Variants in EXOSC5 observed in about 807,000 individuals in gnomAD.
EXOSC5 encodes exosome complex component RRP46.
Under a neutral mutation model 23.7 loss-of-function variants are expected in EXOSC5, and 15 were observed. The observed-to-expected ratio is 0.63, with a 90% CI of 0.42 to 0.97. The LOEUF is 0.97. Among genes scored for constraint, EXOSC5 ranks in the 50% least tolerant of loss-of-function variants. The pLI is 0.00. For missense variants in EXOSC5, 305 were observed against 316.3 expected (o/e 0.96, Z 0.27); for synonymous variants, 143 against 140.9 (o/e 1.02, Z -0.11).
At chr19:41,388,692 G>A (rs553584148) in intron 4 of EXOSC5, among the ~76,000 whole-genome samples, 9 of 152,216 alleles carry the variant, frequency 5.9e-5, no homozygotes, top group East Asian at 3.9e-4. Context: ...AGTGGTTTCC[G>A]TCTTCTTGAC....
intron 4 of EXOSC5, among the ~76,000 whole-genome samples, chr19:41,388,376 C>A (rs892259036): frequency 2.0e-5 from 3 of 152,230 alleles, no homozygotes; most frequent in African/African-American, 7.2e-5. Flanking sequence ...GGAAGAAAAG[C>A]AGCACCCTGG....
chr19:41,387,959 G>A (rs562359940), intron 4 of EXOSC5, among the ~76,000 whole-genome samples: 18 of 152,162 alleles, frequency 1.2e-4, no homozygotes, highest in Middle Eastern at 3.4e-3. Context: ...CTGTCTCAAC[G>A]CTCCCCTTCC....
chr19:41,386,966 G>A (rs1227833554), intron 5 of EXOSC5, among the ~76,000 whole-genome samples: 1 of 152,196 alleles, frequency 6.6e-6, no homozygotes, highest in Non-Finnish European at 1.5e-5. Flanking sequence ...ACAGGACTCA[G>A]ACCTATCAGG....
At chr19:41,395,923 C>A (rs1407805090) in intron 1 of EXOSC5, among the ~76,000 whole-genome samples, 2 of 152,156 alleles carry the variant, frequency 1.3e-5, no homozygotes, top group Non-Finnish European at 2.9e-5. Context: ...CTTAGTTATG[C>A]CTGAATCTTT....
chr19:41,386,758 C>T (rs759597734), intron 5 of EXOSC5, 33 bp from the exon 6 acceptor site: 52 of 1,544,258 alleles, frequency 3.4e-5, no homozygotes, highest in Admixed American at 9.7e-5. Flanking sequence ...TGCTGGGGGC[C>T]GAGCCCTTCA....
Position 41,389,785 on chromosome 19 carries a change from G to C in EXOSC5, c.505C>G (p.Pro169Ala). The change falls in exon 4 of 6, where the codon CCT (proline) becomes GCT (alanine). Residue 169 changes from proline to alanine, a missense_variant. Physicochemically the swap from Pro to Ala is conservative, Grantham distance 27 (BLOSUM62 -1). Transcript: ENST00000221233. ...LDSDGTLVLD[P>A]TSKQEKEARA... ...CCTACCTTTTCTTGCTTGGATGTAG[G>C]ATCCAGCACGAGGGTCCCATCAGAG... The C allele has an allele frequency of 1.2e-6, 2 of 1,613,798 alleles. No individual in the cohort carries two copies.
intron 4 of EXOSC5, among the ~76,000 whole-genome samples, chr19:41,388,967 TGA>T (rs372985199): frequency 1.1e-4 from 16 of 152,334 alleles, no homozygotes; most frequent in South Asian, 2.1e-4. Context: ...ATTTTATTTT[TGA>T]GAGTTTCACT....
At chr19:41,390,338 A>AT (rs2039015076) in intron 3 of EXOSC5, among the ~76,000 whole-genome samples, 2 of 152,228 alleles carry the variant, frequency 1.3e-5, no homozygotes, top group Admixed American at 1.3e-4. Context: ...GAAGGGCAGT[A>AT]TGGCAGAGTG....
At chr19:41,393,119 T>A (rs1341210546) in intron 1 of EXOSC5, 139 bp from the exon 2 acceptor site, 6 of 638,520 alleles carry the variant, frequency 9.4e-6, no homozygotes, top group Non-Finnish European at 1.7e-5. Context: ...ACTCACTTCA[T>A]TTCTCTCATT....
chr19:41,395,483 G>A (rs1207409302), intron 1 of EXOSC5, among the ~76,000 whole-genome samples: 1 of 152,118 alleles, frequency 6.6e-6, no homozygotes, highest in Non-Finnish European at 1.5e-5. Context: ...CAGAACTCCT[G>A]AACAGCTGCC....
chr19:41,392,265 A>T (rs1444010726), intron 2 of EXOSC5: 24 of 410,336 alleles, frequency 5.8e-5, no homozygotes, highest in Non-Finnish European at 2.6e-5. Context: ...GGACTGAGGG[A>T]TATGAGGGTA....
chr19:41,394,913 G>A (rs2039050181), intron 1 of EXOSC5, among the ~76,000 whole-genome samples: 1 of 151,694 alleles, frequency 6.6e-6, no homozygotes, highest in African/African-American at 2.4e-5. Flanking sequence ...ACGCACCTGT[G>A]GTCCCAGCTA....
chr19:41,389,312 C>A (rs1339799091), intron 4 of EXOSC5, among the ~76,000 whole-genome samples: 2 of 152,038 alleles, frequency 1.3e-5, no homozygotes, highest in African/African-American at 4.8e-5. Context: ...ATTGCCCAGG[C>A]TGGAGTGCAA....
At chr19:41,393,131 G>T in intron 1 of EXOSC5, 151 bp from the exon 2 acceptor site, 1 of 625,330 alleles carries the variant, frequency 1.6e-6, no homozygotes, top group Non-Finnish European at 2.9e-6. Context: ...TCTCTCATTT[G>T]TAAAATGGGG....
intron 5 of EXOSC5, 23 bp from the exon 6 acceptor site, chr19:41,386,748 T>G: frequency 6.4e-7 from 1 of 1,557,460 alleles, no homozygotes; most frequent in Non-Finnish European, 8.7e-7. Flanking sequence ...GACTGGTCGG[T>G]GCTGGGGGCC....
chr19:41,393,601 C>T (rs147922733), intron 1 of EXOSC5, among the ~76,000 whole-genome samples: 4,305 of 151,388 alleles, frequency 0.028, 182 homozygotes, highest in African/African-American at 0.098. Flanking sequence ...GCTCTGTCGC[C>T]CAGGCTGGAG....
rs555280087 is a variant in EXOSC5 at position 41,388,197 on chromosome 19, T to A, written c.526-594A>T. Among the ~76,000 whole-genome samples the A allele has an allele frequency of 6.6e-5, 10 of 152,294 alleles. No homozygotes were observed. The South Asian group carries it at 2.1e-3, about 32-fold the overall frequency. ...GTGGTTCTGACAGGGGCTTCCAAGCTCAGTATTCCTGCCCCAAGGGGCTAG... is the reference window on the plus strand; with the variant it reads ...GTGGTTCTGACAGGGGCTTCCAAGCACAGTATTCCTGCCCCAAGGGGCTAG... On this transcript the variant is annotated intron_variant, in intron 4 of 5. Coordinates refer to ENST00000221233, the MANE Select transcript of EXOSC5 (RefSeq NM_020158.4).
intron 4 of EXOSC5, 134 bp from the exon 5 acceptor site, chr19:41,387,737 G>A (rs1408231841): frequency 2.3e-6 from 1 of 443,372 alleles, no homozygotes; most frequent in African/African-American, 2.1e-5. Flanking sequence ...GCAGGGCACT[G>A]CTTGAGGCCA....
In EXOSC5 at chr19:41,392,889, C is replaced by T; in HGVS notation, c.240G>A (p.Leu80=). Residue 80 remains leucine, a synonymous_variant, in exon 2 of 6, where the codon CTG becomes CTA. Coordinates refer to ENST00000221233, the MANE Select transcript of EXOSC5 (RefSeq NM_020158.4). ...TACCAGGCAGCCCAATCTTCGGCCT[C>T]AGGATCACTTCGAGTGTGGCCTTGT... ...IFNKATLEVI[L]RPKIGLPGVA... is the part of the protein sequence containing the mutation. 6.2e-7 allele frequency: 1 copy of T among 1,613,948 alleles called. No homozygotes were observed. The highest frequency in any genetic ancestry group is 1.1e-5 in the South Asian group (1 of 91,064).
Sources: gnomAD v4.1 joint callset for allele counts (sites outside exome capture counted in the v4.1 genomes callset) on GRCh38, gnomAD v4.1.1 for gene constraint, MANE v1.5 for transcripts, NCBI Gene and HGNC (gene_info 2026-07-23, HGNC 2026-07-21) for gene names.